PCDH15: variants seen among roughly 807,000 people sequenced by gnomAD.
PCDH15 encodes the protein protocadherin related 15, also known as protocadherin-15.
Under a neutral mutation model 178.5 loss-of-function variants are expected in PCDH15, and 129 were observed. The ratio of observed to expected loss-of-function variants is 0.72; its 90% confidence interval spans 0.63 to 0.84. PCDH15 has a LOEUF of 0.84. PCDH15 is among the 40% of genes least tolerant of loss of function. The pLI is 0.00. For missense variants in PCDH15, 2,230 were observed against 2,099.9 expected (o/e 1.06, Z -1.21); for synonymous variants, 800 against 732.0 (o/e 1.09, Z -1.50).
At chr10:54,261,906 C>A (rs1444442974) in intron 8 of PCDH15, among the ~76,000 whole-genome samples, 1 of 152,152 alleles carries the variant, frequency 6.6e-6, no homozygotes, top group African/African-American at 2.4e-5. Context: ...AGAGAAAACA[C>A]TGAAAGTTGA....
intron 2 of PCDH15, among the ~76,000 whole-genome samples, chr10:55,514,129 T>C (rs1022619130): frequency 1.3e-5 from 2 of 152,134 alleles, no homozygotes; most frequent in African/African-American, 4.8e-5. Context: ...TGTGTGAAGA[T>C]TTCATATAAT....
intron 3 of PCDH15, among the ~76,000 whole-genome samples, chr10:54,435,485 C>T (rs530249691): frequency 1.3e-5 from 2 of 152,200 alleles, no homozygotes; most frequent in South Asian, 4.1e-4. Flanking sequence ...AGACAAAGGG[C>T]GGACTGCAAA....
intron 3 of PCDH15, among the ~76,000 whole-genome samples, chr10:54,460,724 C>G (rs1202659563): frequency 6.6e-6 from 1 of 151,908 alleles, no homozygotes; most frequent in Non-Finnish European, 1.5e-5. Context: ...ATTGAGTAGA[C>G]AATGGTGGCA....
At chr10:54,137,724 T>C (rs2043022085) in intron 14 of PCDH15, among the ~76,000 whole-genome samples, 1 of 152,238 alleles carries the variant, frequency 6.6e-6, no homozygotes, top group African/African-American at 2.4e-5. Flanking sequence ...GATTTGAGAT[T>C]GTCACCAATT....
chr10:55,026,861 T>C (rs1262850174), intron 2 of PCDH15, among the ~76,000 whole-genome samples: 1 of 151,926 alleles, frequency 6.6e-6, no homozygotes, highest in Admixed American at 6.6e-5. Context: ...GAATGAAGAA[T>C]ATAGGAGACA....
At chr10:55,145,769 T>A (rs1302125297) in intron 2 of PCDH15, among the ~76,000 whole-genome samples, 9 of 151,940 alleles carry the variant, frequency 5.9e-5, no homozygotes, top group Admixed American at 6.6e-5. Context: ...CAAAAAAATA[T>A]TATTTTCCTA....
intron 1 of PCDH15, among the ~76,000 whole-genome samples, chr10:54,780,898 G>T (rs1950294762): frequency 1.3e-5 from 2 of 151,996 alleles, no homozygotes; most frequent in South Asian, 4.1e-4. Flanking sequence ...AACTTAAAAT[G>T]GCCCAATAAA....
chr10:54,700,164 T>C (rs2095290137), intron 1 of PCDH15, among the ~76,000 whole-genome samples: 1 of 152,000 alleles, frequency 6.6e-6, no homozygotes, highest in African/African-American at 2.4e-5. Flanking sequence ...CCCACCATAT[T>C]CCTCTATCAA....
intron 2 of PCDH15, among the ~76,000 whole-genome samples, chr10:54,554,303 T>C (rs1265075664): frequency 2.0e-5 from 3 of 152,180 alleles, no homozygotes; most frequent in Non-Finnish European, 4.4e-5. Flanking sequence ...TATAGTTTAT[T>C]TTTAGCCTTC....
chr10:55,289,519 T>TA lies in PCDH15; in HGVS notation c.-156+30079dup, dbSNP rs902263455. Among the ~76,000 whole-genome samples the TA allele has an allele frequency of 8.9e-4, 134 of 150,700 alleles. 2 individuals carry two copies. In the South Asian group the frequency reaches 0.019, roughly 21 times the overall value. On this transcript the variant is annotated intron_variant, in intron 1 of 5. Coordinates refer to the PCDH15 transcript ENST00000458638. The stretch of plus-strand genomic sequence containing the variant: ...AGAAGGAAAGAAGAAAGAAAAGTGT[T>TA]AAAAAAAAGACCAAAGGAAGAAGAG...
At chr10:54,303,914 T>C (rs1215183885) in intron 8 of PCDH15, among the ~76,000 whole-genome samples, 1 of 152,124 alleles carries the variant, frequency 6.6e-6, no homozygotes, top group African/African-American at 2.4e-5. Flanking sequence ...CCATTCTACA[T>C]TTCTCCTTTT....
At chr10:55,018,461 TC>T (rs1840239162) in intron 2 of PCDH15, among the ~76,000 whole-genome samples, 1 of 152,160 alleles carries the variant, frequency 6.6e-6, no homozygotes, top group Non-Finnish European at 1.5e-5. Flanking sequence ...ACTGTATTCT[TC>T]TTTTTATTAT....
chr10:55,508,658 CT>C (rs1382992007), intron 2 of PCDH15, among the ~76,000 whole-genome samples: 1 of 151,692 alleles, frequency 6.6e-6, no homozygotes, highest in Admixed American at 6.6e-5. Context: ...AAGTTGTGAG[CT>C]TTCTAAACTG....
At position 53,803,309 on chromosome 10, in the gene PCDH15, G is replaced by A. The variant is rs189227971; in HGVS notation, c.*3270C>T. The A allele has an allele frequency of 6.6e-6, 1 of 151,908 alleles. No individual in the cohort carries two copies. The highest frequency in any genetic ancestry group is 1.5e-5 in the Non-Finnish European group (1 of 67,872). The allele number at this position is 151,908 out of a possible 1,614,324, so 9.4% of individuals were successfully genotyped here. A position where few individuals can be genotyped will look rare whatever the true frequency, so the allele number is the denominator to read the frequency against. The stretch of plus-strand genomic sequence containing the variant: ...ACTTAAGGTATAAAGTGCAGAAGGT[G>A]AAGCAGAGAAAGAGAAAAATCAAAG... On this transcript the variant is annotated 3_prime_UTR_variant, in exon 38 of 38. Coordinates refer to ENST00000644397, the MANE Select transcript of PCDH15 (RefSeq NM_001384140.1).
intron 3 of PCDH15, among the ~76,000 whole-genome samples, chr10:54,467,138 C>A (rs77860023): frequency 6.6e-6 from 1 of 151,538 alleles, no homozygotes; most frequent in Non-Finnish European, 1.5e-5. Context: ...AGTTCGAATG[C>A]CTTTTATTTT....
chr10:55,437,552 A>G (rs1367604357), intron 2 of PCDH15, among the ~76,000 whole-genome samples: 1 of 152,170 alleles, frequency 6.6e-6, no homozygotes. Context: ...CCCTATTTAT[A>G]CAAGTACTAA....
At chr10:54,863,194 T>C (rs1430889146) in intron 3 of PCDH15, among the ~76,000 whole-genome samples, 1 of 152,174 alleles carries the variant, frequency 6.6e-6, no homozygotes, top group Non-Finnish European at 1.5e-5. Flanking sequence ...CTATAAATGA[T>C]TAACAGCTAG....
intron 21 of PCDH15, among the ~76,000 whole-genome samples, chr10:53,992,166 C>T (rs2091552267): frequency 6.6e-6 from 1 of 152,064 alleles, no homozygotes; most frequent in Non-Finnish European, 1.5e-5. Context: ...TCCAGACGTG[C>T]TGCCTTAAGA....
At chr10:55,447,960 G>A (rs1378232750) in intron 2 of PCDH15, among the ~76,000 whole-genome samples, 1 of 151,892 alleles carries the variant, frequency 6.6e-6, no homozygotes, top group East Asian at 1.9e-4. Flanking sequence ...TAGCTTCCAA[G>A]GAAGAGCTAG....
Sources: allele counts gnomAD v4.1 joint callset (sites outside exome capture counted in the v4.1 genomes callset), GRCh38; gene constraint gnomAD v4.1.1; transcripts MANE v1.5; gene names NCBI Gene and HGNC (gene_info 2026-07-23, HGNC 2026-07-21).